Variants in TJP1 observed in about 807,000 individuals in gnomAD.
The protein encoded by TJP1 is tight junction protein 1.
A neutral mutation model predicts 194.2 loss-of-function variants in TJP1; 43 were observed. That is an observed-to-expected ratio of 0.22 (90% CI 0.17 to 0.29). The LOEUF (loss-of-function observed/expected upper bound fraction) is 0.29, where lower values mean the gene tolerates loss of function less well. Ranked by LOEUF, TJP1 falls within the 10% of genes least tolerant of loss-of-function variation. The probability of loss-of-function intolerance (pLI) is 1.00; values close to 1 mark genes in which losing one functional copy is unlikely to be tolerated. For missense variants in TJP1, 1,971 were observed against 2,185.7 expected, an observed-to-expected ratio of 0.90 and a Z score of 1.96; for synonymous variants, 801 against 779.0, an observed-to-expected ratio of 1.03 and a Z score of -0.47.
At chr15:29,745,578 A>G (rs2044717575) in intron 8 of TJP1, among the ~76,000 whole-genome samples, 1 of 152,212 alleles carries the variant, frequency 6.6e-6, no homozygotes, top group African/African-American at 2.4e-5. Context: ...AAAAGATATT[A>G]TAAAGACTTA....
At chr15:29,853,481 C>T (rs2051724851) in intron 2 of TJP1, among the ~76,000 whole-genome samples, 2 of 152,236 alleles carry the variant, frequency 1.3e-5, no homozygotes, top group African/African-American at 2.4e-5. Flanking sequence ...TAAAATATTA[C>T]CATTTGGGGA....
At chr15:29,754,327 C>A (rs997535417) in intron 8 of TJP1, among the ~76,000 whole-genome samples, 1 of 152,076 alleles carries the variant, frequency 6.6e-6, no homozygotes, top group African/African-American at 2.4e-5. Flanking sequence ...ATGGTAAGAA[C>A]TTACGAACAC....
intron 2 of TJP1, among the ~76,000 whole-genome samples, chr15:29,779,118 G>A (rs1307088469): frequency 1.3e-5 from 2 of 152,028 alleles, no homozygotes; most frequent in African/African-American, 2.4e-5. Flanking sequence ...CTACAGTAAC[G>A]GTTGCTTAAA....
intron 2 of TJP1, among the ~76,000 whole-genome samples, chr15:29,924,453 C>T (rs1402247979): frequency 2.0e-5 from 3 of 152,084 alleles, no homozygotes. Context: ...TATGCCCATA[C>T]AAGAGATAGC....
rs2042698384 is a variant in TJP1 at position 29,718,325 on chromosome 15, T to C, written c.3817A>G (p.Asn1273Asp). ...SVLTRVKMFENKRSASLETKK... is the reference protein window; with the variant it reads ...SVLTRVKMFEDKRSASLETKK... The stretch of plus-strand genomic sequence containing the variant: ...GTCTCTAAGGATGCAGATCTTTTGT[T>C]TTCAAACATCTTAACTCTGGTGAGT... The change falls in exon 21 of 28, where the codon AAC becomes GAC. Residue 1273 changes from asparagine to aspartate, a missense_variant. By Grantham distance (23) the Asn-to-Asp change is conservative. This residue lies in a region of TJP1 where 1,108 missense variants were observed against 1,128.5 expected (regional missense o/e 0.98). Coordinates refer to ENST00000614355, the MANE Select transcript of TJP1 (RefSeq NM_001330239.4). 1 of 1,614,098 alleles carries C rather than the reference T, an allele frequency of 6.2e-7. No individual in the cohort carries two copies.
intron 2 of TJP1, among the ~76,000 whole-genome samples, chr15:29,774,600 G>C (rs1397845026): frequency 3.3e-5 from 5 of 151,824 alleles, no homozygotes; most frequent in African/African-American, 1.2e-4. Flanking sequence ...TAGGGCTACA[G>C]GGATTGGAGG....
intron 2 of TJP1, among the ~76,000 whole-genome samples, chr15:29,897,220 T>A (rs2053503119): frequency 6.6e-6 from 1 of 152,162 alleles, no homozygotes; most frequent in Admixed American, 6.5e-5. Flanking sequence ...GTGCCCTGCA[T>A]CCCAGTCGTG....
At chr15:29,860,219 T>G (rs1222527824) in intron 2 of TJP1, among the ~76,000 whole-genome samples, 6 of 152,168 alleles carry the variant, frequency 3.9e-5, no homozygotes, top group African/African-American at 1.4e-4. Context: ...AGTAAGCGCT[T>G]TCTTTCTCTC....
At chr15:29,850,516 T>C (rs1420816426) in intron 2 of TJP1, among the ~76,000 whole-genome samples, 1 of 151,944 alleles carries the variant, frequency 6.6e-6, no homozygotes, top group East Asian at 2.0e-4. Flanking sequence ...TTTGTATTTT[T>C]AGTAGAGACA....
intron 2 of TJP1, among the ~76,000 whole-genome samples, chr15:29,854,773 TACTTTAAAA>T (rs1445351750): frequency 6.6e-6 from 1 of 152,252 alleles, no homozygotes; most frequent in East Asian, 1.9e-4. Context: ...TGAAAATCAC[TACTTTAAAA>T]ACTCAAGACA....
chr15:29,881,419 T>C, intron 2 of TJP1, among the ~76,000 whole-genome samples: 1 of 152,234 alleles, frequency 6.6e-6, no homozygotes, highest in Admixed American at 6.5e-5. Context: ...CTGCTCATTG[T>C]TTCCTTTGTT....
At chr15:29,864,259 A>AAAAAAAAAAAAAAAAAAAAAAAAAAC in intron 2 of TJP1, among the ~76,000 whole-genome samples, 1 of 148,710 alleles carries the variant, frequency 6.7e-6, no homozygotes, top group African/African-American at 2.5e-5. Flanking sequence ...AAAAAAAAAA[A>AAAAAAAAAAAAAAAAAAAAAAAAAAC]AAAAAGCTGG....
rs765209525 is a variant in TJP1, at chr15:29,718,414, G to A, written c.3728C>T (p.Pro1243Leu). The change falls in exon 21 of 28, where the codon CCA becomes CTA. Residue 1243 changes from proline to leucine, a missense_variant. Transcript: ENST00000614355. ...GGTTTGAGTTGGGGGTGGAGGCAGT[G>A]GTTTGGTGTTTGAAGGCAGAGCTTC... ...KPEALPSNTK[P>L]LPPPPTQTEE... The A allele has an allele frequency of 1.2e-6, 2 of 1,614,156 alleles. No homozygotes were observed.
intron 2 of TJP1, among the ~76,000 whole-genome samples, chr15:29,924,678 T>C (rs2152257782): frequency 6.6e-6 from 1 of 152,326 alleles, no homozygotes; most frequent in East Asian, 1.9e-4. Context: ...GTGACCACAC[T>C]GCCTAGTCTC....
At chr15:29,888,038 C>A (rs1425660581) in intron 2 of TJP1, among the ~76,000 whole-genome samples, 3 of 151,918 alleles carry the variant, frequency 2.0e-5, no homozygotes, top group Non-Finnish European at 4.4e-5. Context: ...CTGAAACGAT[C>A]TAAAAGTATA....
intron 3 of TJP1, 91 bp downstream of exon 3, chr15:29,773,142 A>G: frequency 1.4e-6 from 2 of 1,451,872 alleles, no homozygotes; most frequent in East Asian, 2.4e-5. Flanking sequence ...GAATATGACA[A>G]AATCACTAAG....
At chr15:29,788,979 A>T (rs2047892092) in intron 2 of TJP1, among the ~76,000 whole-genome samples, 1 of 152,222 alleles carries the variant, frequency 6.6e-6, no homozygotes, top group South Asian at 2.1e-4. Flanking sequence ...AAAAATGGCT[A>T]GTGTTACCTG....
At position 29,727,988 on chromosome 15, in the gene TJP1, T is replaced by G. The variant is rs1484939934; in HGVS notation, c.2049A>C (p.Gln683His). Reference sequence around the variant, plus strand: ...GCAGGCGAATAATGCCAGAGCTACGTTGGTCAGTTCCAGCGTCTCGTGGTT... The same window carrying G: ...GCAGGCGAATAATGCCAGAGCTACGGTGGTCAGTTCCAGCGTCTCGTGGTT... ...KSEPRDAGTD[Q>H]RSSGIIRLHT... The change falls in exon 16 of 28, where the codon CAA becomes CAC. Residue 683 changes from glutamine to histidine, a missense_variant. By Grantham distance (24) the Gln-to-His change is conservative (BLOSUM62 0). Around this residue, in one of 5 missense-constraint regions of TJP1, gnomAD observed 402 missense variants for 484.2 expected, o/e 0.83. Coordinates refer to ENST00000614355, the MANE Select transcript of TJP1 (RefSeq NM_001330239.4). The G allele has an allele frequency of 6.2e-7, 1 of 1,614,028 alleles. No homozygotes were observed. Among genetic ancestry groups the G allele is most frequent in the African/African-American group, 1.3e-5 (1 of 74,924 alleles).
intron 2 of TJP1, among the ~76,000 whole-genome samples, chr15:29,842,070 T>C: frequency 6.6e-6 from 1 of 152,164 alleles, no homozygotes; most frequent in East Asian, 1.9e-4. Context: ...TTTGAGCAAA[T>C]GATAGCTTCC....
Sources: gnomAD v4.1 joint callset for allele counts (sites outside exome capture counted in the v4.1 genomes callset) on GRCh38, gnomAD v4.1.1 for gene constraint, gnomAD v4.1.1 regional missense constraint, MANE v1.5 for transcripts, NCBI Gene and HGNC (gene_info 2026-07-23, HGNC 2026-07-21) for gene names.